The following WRN variants were observed in gnomAD, a reference collection of about 807,000 sequenced individuals.
The protein encoded by WRN is WRN RecQ like helicase.
Under a neutral mutation model 180.7 loss-of-function variants are expected in WRN, and 149 were observed. That is an observed-to-expected ratio of 0.82 (90% CI 0.72 to 0.94). The LOEUF is 0.94. Among genes scored for constraint, WRN ranks in the 40% least tolerant of loss-of-function variants. The pLI is 0.00. For synonymous variants in WRN, 548 were observed against 568.9 expected (o/e 0.96, Z 0.52); for missense variants, 1,661 against 1,700.1 (o/e 0.98, Z 0.40).
Position 31,059,165 on chromosome 8 carries a change from A to G in WRN, c.109A>G (p.Lys37Glu). The change falls in exon 3 of 35, where the codon AAG becomes GAG. Residue 37 changes from lysine to glutamate, a missense_variant. Coordinates refer to ENST00000298139, the MANE Select transcript of WRN (RefSeq NM_000553.6). ...AVEERKACVRKSVFEDDLPFL... is the reference protein window; with the variant it reads ...AVEERKACVRESVFEDDLPFL... ...TACTAAACTCAAGGCATGTGTTCGGAAGAGTGTTTTTGAAGATGACCTCCC... is the reference window on the plus strand; with the variant it reads ...TACTAAACTCAAGGCATGTGTTCGGGAGAGTGTTTTTGAAGATGACCTCCC... 6.2e-7 allele frequency: 1 copy of G among 1,613,626 alleles called. No homozygotes were observed. Among genetic ancestry groups the G allele is most frequent in the Non-Finnish European group, 8.5e-7 (1 of 1,179,684 alleles).
In WRN at chr8:31,064,912, C is replaced by T. The variant is rs1812634399; in HGVS notation, c.356-3C>T. 6.2e-7 allele frequency: 1 copy of T among 1,613,260 alleles called. No individual in the cohort carries two copies. The highest frequency in any genetic ancestry group is 8.5e-7 in the Non-Finnish European group (1 of 1,179,540). On this transcript the variant is annotated splice_region_variant and splice_polypyrimidine_tract_variant and intron_variant, in intron 4 of 34. Transcript: ENST00000298139. ...TTATGGAAATAACAAGAAAATGTTA[C>T]AGTTTTTCCCCAGGGATTAAAAATG...
At chr8:31,081,463 A>C (rs1381273020) in intron 9 of WRN, among the ~76,000 whole-genome samples, 167 bp downstream of exon 9, 1 of 152,254 alleles carries the variant, frequency 6.6e-6, no homozygotes, top group African/African-American at 2.4e-5. Flanking sequence ...AGACAAATGT[A>C]AACAAATGTG....
At chr8:31,081,763 TTTTC>T (rs1813321731) in intron 9 of WRN, among the ~76,000 whole-genome samples, 1 of 152,138 alleles carries the variant, frequency 6.6e-6, no homozygotes, top group Non-Finnish European at 1.5e-5. Flanking sequence ...TTTTTTTCTT[TTTTC>T]TTTCTTTTTT....
chr8:31,107,023 A>T (rs1366174735), intron 18 of WRN, among the ~76,000 whole-genome samples: 1 of 152,222 alleles, frequency 6.6e-6, no homozygotes, highest in Non-Finnish European at 1.5e-5. Flanking sequence ...TCTAAAGCAA[A>T]TGATTTGAAA....
At chr8:31,085,856 C>T (rs926141846) in intron 11 of WRN, among the ~76,000 whole-genome samples, 1 of 151,942 alleles carries the variant, frequency 6.6e-6, no homozygotes, top group Admixed American at 6.6e-5. Context: ...AATTGAGTTT[C>T]CTTTCTTCCA....
At chr8:31,142,980 C>T (rs1005491276) in intron 27 of WRN, among the ~76,000 whole-genome samples, 1 of 151,106 alleles carries the variant, frequency 6.6e-6, no homozygotes, top group African/African-American at 2.4e-5. Flanking sequence ...TGTTATAATA[C>T]TTATAGTTGA....
intron 33 of WRN, among the ~76,000 whole-genome samples, chr8:31,165,408 T>C (rs991430117): frequency 2.0e-5 from 3 of 152,088 alleles, no homozygotes; most frequent in African/African-American, 7.2e-5. Context: ...TCAGTAGAAA[T>C]ACAATGTGAG....
chr8:31,101,368 G>GTCAGGAGTTCGAGACCAGCCTGGCCAAT (rs1814224521), intron 18 of WRN, among the ~76,000 whole-genome samples: 1 of 152,100 alleles, frequency 6.6e-6, no homozygotes, highest in Non-Finnish European at 1.5e-5. Flanking sequence ...TTTACTCTAG[G>GTCAGGAGTTCGAGACCAGCCTGGCCAAT]ATGCTGTGAA....
intron 24 of WRN, among the ~76,000 whole-genome samples, chr8:31,141,122 G>C (rs1249550651): frequency 6.7e-6 from 1 of 149,914 alleles, no homozygotes. Context: ...ATGTGAGTTT[G>C]CTAAGAGGTC....
At chr8:31,137,081 C>A (rs781043192) in intron 24 of WRN, among the ~76,000 whole-genome samples, 3 of 144,612 alleles carry the variant, frequency 2.1e-5, no homozygotes, top group Admixed American at 6.9e-5. Context: ...TTTAATGTTA[C>A]TTGTTTTAGT....
intron 1 of WRN, among the ~76,000 whole-genome samples, chr8:31,042,299 T>C (rs1811690026): frequency 6.6e-6 from 1 of 152,170 alleles, no homozygotes; most frequent in Admixed American, 6.5e-5. Flanking sequence ...TTGGATATTA[T>C]ACATCAAAGC....
chr8:31,082,766 T>A (rs1813369530), intron 9 of WRN, among the ~76,000 whole-genome samples: 1 of 151,924 alleles, frequency 6.6e-6, no homozygotes, highest in Admixed American at 6.6e-5. Flanking sequence ...CCGGCTAATT[T>A]TTGTATTTTT....
chr8:31,124,739 T>C lies in WRN; in HGVS notation c.2732+116T>C, dbSNP rs572019371. The C allele has an allele frequency of 2.0e-5, 25 of 1,242,264 alleles. No individual in the cohort carries two copies. The African/African-American group carries it at 3.3e-4, about 16-fold the overall frequency. The allele number at this position is 1,242,264 out of a possible 1,614,324, so 77.0% of individuals were successfully genotyped here. A position where few individuals can be genotyped will look rare whatever the true frequency, so the allele number is the denominator to read the frequency against. The stretch of plus-strand genomic sequence containing the variant: ...GAAAAAATATTTTGTTGCTGTTACA[T>C]GTGTGCTGAATTTTTAAGGCTAACT... On this transcript the variant is annotated intron_variant, in intron 22 of 34. Transcript: ENST00000298139.
chr8:31,053,479 C>T lies in WRN; in HGVS notation c.-76-4893C>T, dbSNP rs28708415. Among the ~76,000 whole-genome samples the T allele has an allele frequency of 4.9e-3, 747 of 152,170 alleles. 5 individuals are homozygous for T. Among genetic ancestry groups the T allele is most frequent in the African/African-American group, 0.017 (700 of 41,512 alleles). Reference sequence around the variant, plus strand: ...CTTTTCACCTTTAGGTGAAGAAATGCGGTGAGCTATTTTATTACTGATTAT... The same window carrying T: ...CTTTTCACCTTTAGGTGAAGAAATGTGGTGAGCTATTTTATTACTGATTAT... On this transcript the variant is annotated intron_variant, in intron 1 of 34. Transcript: ENST00000298139.
At chr8:31,079,459 G>T (rs1459573904) in intron 8 of WRN, among the ~76,000 whole-genome samples, 1 of 152,140 alleles carries the variant, frequency 6.6e-6, no homozygotes, top group African/African-American at 2.4e-5. Context: ...CACTTTCACT[G>T]ATTTCTGCTT....
intron 18 of WRN, 57 bp from the exon 19 acceptor site, chr8:31,111,558 C>A: frequency 6.3e-7 from 1 of 1,575,352 alleles, no homozygotes; most frequent in Non-Finnish European, 8.7e-7. Context: ...AAGCTATAGA[C>A]ATGTTGGGAA....
intron 18 of WRN, among the ~76,000 whole-genome samples, chr8:31,105,314 T>C (rs1335537979): frequency 6.6e-6 from 1 of 152,144 alleles, no homozygotes; most frequent in Non-Finnish European, 1.5e-5. Context: ...GGATTTCTTC[T>C]TTCCTTACTG....
At chr8:31,102,112 C>T (rs971800530) in intron 18 of WRN, among the ~76,000 whole-genome samples, 1 of 152,182 alleles carries the variant, frequency 6.6e-6, no homozygotes. Context: ...GTGTATTGTT[C>T]TATACAGTTT....
intron 18 of WRN, among the ~76,000 whole-genome samples, chr8:31,106,682 C>T (rs75008102): frequency 0.016 from 2,462 of 152,196 alleles, 72 homozygotes; most frequent in African/African-American, 0.055. Flanking sequence ...CAGATTAGTT[C>T]CCCCTCCCCC....
Sources: gnomAD v4.1 joint callset for allele counts (sites outside exome capture counted in the v4.1 genomes callset) on GRCh38, gnomAD v4.1.1 for gene constraint, MANE v1.5 for transcripts, NCBI Gene and HGNC (gene_info 2026-07-23, HGNC 2026-07-21) for gene names.